TMEM174: variants seen among roughly 807,000 people sequenced by gnomAD.
TMEM174 encodes transmembrane protein 174.
A neutral mutation model predicts 15.1 loss-of-function variants in TMEM174; 11 were observed. That is an observed-to-expected ratio of 0.73 (90% CI 0.46 to 1.20). The LOEUF (loss-of-function observed/expected upper bound fraction) is 1.20, where lower values mean the gene tolerates loss of function less well. TMEM174 is among the 50% of genes most tolerant of loss of function. TMEM174 has a pLI of 0.00. For synonymous variants in TMEM174, 130 were observed against 121.3 expected, an observed-to-expected ratio of 1.07 and a Z score of -0.47; for missense variants, 321 against 303.6, an observed-to-expected ratio of 1.06 and a Z score of -0.43.
At position 73,173,820 on chromosome 5, in the gene TMEM174, T is replaced by C; in HGVS notation, c.577T>C (p.Phe193Leu). Residue 193 changes from phenylalanine to leucine, a missense_variant, in exon 1 of 2, where the codon TTT becomes CTT. Physicochemically the swap from Phe to Leu is conservative, Grantham distance 22. Coordinates refer to ENST00000296776, the MANE Select transcript of TMEM174 (RefSeq NM_153217.3). Reference protein sequence around the residue: ...YTIYPQDNSAFVVDEGCLSFT... With the variant: ...YTIYPQDNSALVVDEGCLSFT... ...CATCTACCCTCAAGATAACTCTGCA[T>C]TTGTGGTTGATGAGGGCTGCCTTTC... The C allele has an allele frequency of 6.2e-7, 1 of 1,614,040 alleles. No individual in the cohort carries two copies. The highest frequency in any genetic ancestry group is 8.5e-7 in the Non-Finnish European group (1 of 1,179,938).
Position 73,173,209 on chromosome 5 carries a change from C to T in TMEM174, c.-35C>T. The T allele has an allele frequency of 6.6e-7, 1 of 1,516,532 alleles. No homozygotes were observed. The highest frequency in any genetic ancestry group is 1.8e-4 in the Middle Eastern group (1 of 5,566). The allele number at this position is 1,516,532 out of a possible 1,614,324, so 93.9% of individuals were successfully genotyped here. A position where few individuals can be genotyped will look rare whatever the true frequency, so the allele number is the denominator to read the frequency against. ...GATTCCTTGGTTCTCACAATCCTCT[C>T]CACTCTAAGAAGCAGGGTGAGCCCA... On this transcript the variant is annotated 5_prime_UTR_variant, in exon 1 of 2. Transcript: ENST00000296776.
rs1355410655 is a variant in TMEM174, at chr5:73,173,738, C to A, written c.495C>A (p.Gly165=). 4 of 1,614,208 alleles carry A rather than the reference C, an allele frequency of 2.5e-6. No individual in the cohort carries two copies. Among genetic ancestry groups the A allele is most frequent in the Non-Finnish European group, 2.5e-6 (3 of 1,180,032 alleles). ...TGCAGTCTGTGGTGAGCCCCTGCGG[C>A]CTCATAACCTCTGGAGGGGCAGCAG... The part of the protein sequence containing the change: ...SYLQSVVSPC[G]LITSGGAAAA... Residue 165 remains glycine (G), a synonymous_variant, in exon 1 of 2, where the codon GGC becomes GGA. Coordinates refer to ENST00000296776, the MANE Select transcript of TMEM174 (RefSeq NM_153217.3).
In TMEM174 at chr5:73,174,319, A is replaced by T; in HGVS notation, c.*154A>T. 2 of 647,804 alleles carry T rather than the reference A, an allele frequency of 3.1e-6. No homozygotes were observed. The allele number at this position is 647,804 out of a possible 1,614,324, so 40.1% of individuals were successfully genotyped here. A position where few individuals can be genotyped will look rare whatever the true frequency, so the allele number is the denominator to read the frequency against. ...GAGATCATTCAAGGGGGGAAAGGGG[A>T]AGTGGGAGGTGCAATTTCTCAGATT... is the stretch of plus-strand genomic sequence containing the variant. On this transcript the variant is annotated 3_prime_UTR_variant, in exon 2 of 2. Coordinates refer to ENST00000296776, the MANE Select transcript of TMEM174 (RefSeq NM_153217.3).
chr5:73,173,977 G>T, intron 1 of TMEM174, 83 bp from the exon 2 acceptor site: 1 of 1,604,928 alleles, frequency 6.2e-7, no homozygotes, highest in Non-Finnish European at 8.5e-7. Flanking sequence ...TCTCTTCTTA[G>T]CCTGTTGCCC....
At position 73,174,656 on chromosome 5, in the gene TMEM174, C is replaced by T. The variant is rs1745038120; in HGVS notation, c.*491C>T. The T allele has an allele frequency of 6.5e-6, 1 of 154,480 alleles. No homozygotes were observed. Among genetic ancestry groups the T allele is most frequent in the African/African-American group, 2.4e-5 (1 of 41,438 alleles). The allele number at this position is 154,480 out of a possible 1,614,324, so 9.6% of individuals were successfully genotyped here. On this transcript the variant is annotated 3_prime_UTR_variant, in exon 2 of 2. Transcript: ENST00000296776. ...TGGCCCCAAAGCAGACTCACTAATC[C>T]CAAACAACTCAGCTGCCATCTGGCC...
chr5:73,174,775 A>G lies in TMEM174; in HGVS notation c.*610A>G, dbSNP rs1359437804. On this transcript the variant is annotated 3_prime_UTR_variant, in exon 2 of 2. Coordinates refer to ENST00000296776, the MANE Select transcript of TMEM174 (RefSeq NM_153217.3). Reference sequence around the variant, plus strand: ...TAAAATAAATCATGTCTCCTGCTAGAATAGTATTGGATACCTGACTAAATT... The same window carrying G: ...TAAAATAAATCATGTCTCCTGCTAGGATAGTATTGGATACCTGACTAAATT... The G allele has an allele frequency of 6.5e-6, 1 of 152,800 alleles. No individual in the cohort carries two copies. The highest frequency in any genetic ancestry group is 2.4e-5 in the African/African-American group (1 of 41,470). 9.5% of individuals were successfully genotyped at this position (152,800 alleles called of 1,614,324 possible). A position where few individuals can be genotyped will look rare whatever the true frequency, so the allele number is the denominator to read the frequency against.
In TMEM174 at chr5:73,174,759, T is replaced by A. The variant is rs1013503941; in HGVS notation, c.*594T>A. On this transcript the variant is annotated 3_prime_UTR_variant, in exon 2 of 2. Transcript: ENST00000296776. ...CATCAAACCAATGAAATAAAATAAA[T>A]CATGTCTCCTGCTAGAATAGTATTG... The A allele has an allele frequency of 6.5e-6, 1 of 152,700 alleles. No individual in the cohort carries two copies. Among genetic ancestry groups the A allele is most frequent in the Non-Finnish European group, 1.5e-5 (1 of 68,360 alleles). The allele number at this position is 152,700 out of a possible 1,614,324, so 9.5% of individuals were successfully genotyped here.
In TMEM174 at chr5:73,173,883, A is replaced by C; in HGVS notation, c.626+14A>C. ...TGGAAATCACAGGTATGGCGTGTCT[A>C]CTGGGGGAATGCACTCCTTCTAGCC... On this transcript the variant is annotated intron_variant, in intron 1 of 1. Coordinates refer to ENST00000296776, the MANE Select transcript of TMEM174 (RefSeq NM_153217.3). 1 of 1,606,026 alleles carries C rather than the reference A, an allele frequency of 6.2e-7. No individual in the cohort carries two copies. Among genetic ancestry groups the C allele is most frequent in the Non-Finnish European group, 8.5e-7 (1 of 1,174,756 alleles).
At position 73,173,511 on chromosome 5, in the gene TMEM174, G is replaced by A. The variant is rs776081603; in HGVS notation, c.268G>A (p.Val90Met). The part of the protein sequence containing the change: ...SVGVTFILIA[V>M]CKFKMLSCQL... ...TGGGGTGACATTCATCCTGATTGCT[G>A]TGTGCAAGTTCAAAATGCTCTCCTG... is the stretch of plus-strand genomic sequence containing the variant. The change falls in exon 1 of 2, where the codon GTG becomes ATG. Residue 90 changes from valine (V) to methionine (M), a missense_variant. Transcript: ENST00000296776. The A allele has an allele frequency of 1.9e-6, 3 of 1,614,112 alleles. No individual in the cohort carries two copies. The highest frequency in any genetic ancestry group is 2.2e-5 in the East Asian group (1 of 44,896).
At position 73,173,551 on chromosome 5, in the gene TMEM174, A is replaced by G; in HGVS notation, c.308A>G (p.Glu103Gly). The G allele has an allele frequency of 6.2e-7, 1 of 1,614,226 alleles. No individual in the cohort carries two copies. Among genetic ancestry groups the G allele is most frequent in the Non-Finnish European group, 8.5e-7 (1 of 1,180,044 alleles). Residue 103 changes from glutamate to glycine, a missense_variant, in exon 1 of 2, where the codon GAA (glutamate) becomes GGA (glycine). Transcript: ENST00000296776. ...FKMLSCQLCK[E>G]SEERVPDSEQ... ...ATGCTCTCCTGCCAGTTGTGCAAAG[A>G]AAGTGAGGAAAGGGTCCCGGACTCG...
In TMEM174 at chr5:73,174,165, G is replaced by C; in HGVS notation, c.732G>C (p.Ter244TyrextTer4). The C allele has an allele frequency of 6.8e-6, 11 of 1,613,310 alleles. No individual in the cohort carries two copies. Among genetic ancestry groups the C allele is most frequent in the Non-Finnish European group, 9.3e-6 (11 of 1,179,230 alleles). The change falls in exon 2 of 2, where the codon TAG becomes TAC. Residue 244 changes from the stop codon to tyrosine (Y), a stop_lost. Coordinates refer to ENST00000296776, the MANE Select transcript of TMEM174 (RefSeq NM_153217.3). ...PYEEIYSLPR[*>Y] ...AAGAAATATACTCTCTCCCTCGCTA[G>C]AGGCTATTCTGATATAATAACACAA...
At position 73,173,889 on chromosome 5, in the gene TMEM174, G is replaced by A. The variant is rs781270492; in HGVS notation, c.626+20G>A. On this transcript the variant is annotated intron_variant, in intron 1 of 1. Coordinates refer to ENST00000296776, the MANE Select transcript of TMEM174 (RefSeq NM_153217.3). ...TCACAGGTATGGCGTGTCTACTGGG[G>A]GAATGCACTCCTTCTAGCCATCTCC... is the stretch of plus-strand genomic sequence containing the variant. 3 of 1,603,866 alleles carry A rather than the reference G, an allele frequency of 1.9e-6. No homozygotes were observed. Among genetic ancestry groups the A allele is most frequent in the Non-Finnish European group, 2.6e-6 (3 of 1,173,470 alleles).
rs113392774 is a variant in TMEM174 at position 73,173,943 on chromosome 5, A to T, written c.626+74A>T. ...ATGATCTGTGGCTGTTTGGTCCATG[A>T]ATAAGGTGTTGGGAGACTGTGAATC... On this transcript the variant is annotated intron_variant, in intron 1 of 1. Coordinates refer to ENST00000296776, the MANE Select transcript of TMEM174 (RefSeq NM_153217.3). 8.1e-4 allele frequency: 1,291 copies of T among 1,594,600 alleles called. 4 individuals carry two copies. In the African/African-American group the frequency reaches 0.015, roughly 18 times the overall value.
rs749274941 is a variant in TMEM174, at chr5:73,174,158, C to T, written c.725C>T (p.Pro242Leu). ...CCTTATGAAGAAATATACTCTCTCCCTCGCTAGAGGCTATTCTGATATAAT... is the reference window on the plus strand; with the variant it reads ...CCTTATGAAGAAATATACTCTCTCCTTCGCTAGAGGCTATTCTGATATAAT... ...PPPYEEIYSL[P>L]R The change falls in exon 2 of 2, where the codon CCT becomes CTT. Residue 242 changes from proline (P) to leucine (L), a missense_variant. Coordinates refer to ENST00000296776, the MANE Select transcript of TMEM174 (RefSeq NM_153217.3). 1.2e-6 allele frequency: 2 copies of T among 1,613,798 alleles called. No homozygotes were observed. The highest frequency in any genetic ancestry group is 1.7e-5 in the Admixed American group (1 of 60,026).
Position 73,173,617 on chromosome 5 carries a change from T to C in TMEM174, c.374T>C (p.Ile125Thr), listed in dbSNP as rs1745014935. Reference sequence around the variant, plus strand: ...GGACCATCATTTGTTTTCACTGGCATCAACCAACCCATCACCTTCCATGGG... The same window carrying C: ...GGACCATCATTTGTTTTCACTGGCACCAACCAACCCATCACCTTCCATGGG... ...PGGPSFVFTG[I>T]NQPITFHGAT... Residue 125 changes from isoleucine to threonine, a missense_variant, in exon 1 of 2, where the codon ATC becomes ACC. Transcript: ENST00000296776. 6.2e-7 allele frequency: 1 copy of C among 1,614,226 alleles called. No individual in the cohort carries two copies. Among genetic ancestry groups the C allele is most frequent in the Non-Finnish European group, 8.5e-7 (1 of 1,180,040 alleles).
In TMEM174 at chr5:73,173,663, C is replaced by T; in HGVS notation, c.420C>T (p.Ile140=). The T allele has an allele frequency of 1.9e-6, 3 of 1,614,196 alleles. No individual in the cohort carries two copies. Among genetic ancestry groups the T allele is most frequent in the Non-Finnish European group, 2.5e-6 (3 of 1,180,038 alleles). ...ATGGGGCCACTGTGGTGCAGTACAT[C>T]CCTCCTCCTTATGGTTCTCCAGAGC... ...TFHGATVVQY[I]PPPYGSPEPM... Residue 140 remains isoleucine (I), a synonymous_variant, in exon 1 of 2, where the codon ATC becomes ATT. Coordinates refer to ENST00000296776, the MANE Select transcript of TMEM174 (RefSeq NM_153217.3).
In TMEM174 at chr5:73,173,483, A is replaced by G; in HGVS notation, c.240A>G (p.Ser80=). The change falls in exon 1 of 2, where the codon TCA becomes TCG. Residue 80 remains serine (S), a synonymous_variant. Transcript: ENST00000296776. ...WTQLLGPVLL[S]VGVTFILIAV... The stretch of plus-strand genomic sequence containing the variant: ...AGCTCCTTGGGCCCGTCCTGCTGTC[A>G]GTTGGGGTGACATTCATCCTGATTG... 1 of 1,614,196 alleles carries G rather than the reference A, an allele frequency of 6.2e-7. No individual in the cohort carries two copies. Among genetic ancestry groups the G allele is most frequent in the Non-Finnish European group, 8.5e-7 (1 of 1,180,020 alleles).
intron 1 of TMEM174, 23 bp downstream of exon 1, chr5:73,173,892 A>G (rs1210786714): frequency 1.2e-6 from 2 of 1,602,662 alleles, no homozygotes; most frequent in Non-Finnish European, 1.7e-6. Context: ...TACTGGGGGA[A>G]TGCACTCCTT....
At position 73,173,595 on chromosome 5, in the gene TMEM174, C is replaced by T. The variant is rs769447969; in HGVS notation, c.352C>T (p.Pro118Ser). ...GGACTCGGAACAGACACCAGGAGGA[C>T]CATCATTTGTTTTCACTGGCATCAA... ...VPDSEQTPGG[P>S]SFVFTGINQP... Residue 118 changes from proline to serine, a missense_variant, in exon 1 of 2, where the codon CCA (proline) becomes TCA (serine). Pro to Ser is a moderately conservative substitution (Grantham distance 74). Transcript: ENST00000296776. 1.9e-6 allele frequency: 3 copies of T among 1,614,176 alleles called. No homozygotes were observed. Among genetic ancestry groups the T allele is most frequent in the East Asian group, 4.5e-5 (2 of 44,874 alleles).
Sources: gnomAD v4.1 joint callset for allele counts on GRCh38, gnomAD v4.1.1 for gene constraint, MANE v1.5 for transcripts, NCBI Gene and HGNC (gene_info 2026-07-23, HGNC 2026-07-21) for gene names.